The following SPATA9 variants were observed in gnomAD, a reference collection of about 807,000 sequenced individuals.
SPATA9 encodes spermatogenesis associated 9, also known as spermatogenesis-associated protein 9.
A neutral mutation model predicts 25.5 loss-of-function variants in SPATA9; 27 were observed. The ratio of observed to expected loss-of-function variants is 1.06; its 90% CI spans 0.78 to 1.46. The LOEUF (loss-of-function observed/expected upper bound fraction) is 1.46. Among genes scored for constraint, SPATA9 ranks in the 40% most tolerant of loss-of-function variants. The probability of loss-of-function intolerance (pLI) is 0.00; values close to 1 mark genes in which losing one functional copy is unlikely to be tolerated. For missense variants in SPATA9, 282 were observed against 297.5 expected (o/e 0.95, Z 0.38); for synonymous variants, 102 against 105.7 (o/e 0.97, Z 0.21).
chr5:95,726,341 T>C, the SPATA9 span, among the ~76,000 whole-genome samples: 1 of 152,246 alleles, frequency 6.6e-6, no homozygotes, highest in Non-Finnish European at 1.5e-5. Flanking sequence ...AGAGACTTTG[T>C]AGCATTTATT....
At chr5:95,721,488 G>A in the SPATA9 span, among the ~76,000 whole-genome samples, 1 of 152,136 alleles carries the variant, frequency 6.6e-6, no homozygotes, top group East Asian at 1.9e-4. Context: ...GACTGGGCAG[G>A]GGGTTTGGAT....
chr5:95,686,236 T>TTAAA (rs1753741971), upstream of SPATA9, among the ~76,000 whole-genome samples: 1 of 152,240 alleles, frequency 6.6e-6, no homozygotes, highest in Admixed American at 6.5e-5. Flanking sequence ...CCAACATTCA[T>TTAAA]TAAATGGTTG....
intron 1 of SPATA9, among the ~76,000 whole-genome samples, chr5:95,689,009 A>G (rs1027491403): frequency 6.6e-6 from 1 of 152,236 alleles, no homozygotes. Flanking sequence ...CCGAAGACAC[A>G]TAAGACACAC....
intron 3 of SPATA9, among the ~76,000 whole-genome samples, chr5:95,668,046 T>C (rs1299610471): frequency 2.0e-5 from 3 of 152,212 alleles, no homozygotes; most frequent in African/African-American, 7.2e-5. Context: ...ATGCTTCCTA[T>C]ACAGCCTACA....
At chr5:95,674,736 G>A (rs1373670622) in intron 3 of SPATA9, 4 of 456,480 alleles carry the variant, frequency 8.8e-6, no homozygotes, top group African/African-American at 8.0e-5. Context: ...GTTTATGGGA[G>A]CTAATACATC....
At chr5:95,698,042 C>A (rs1012785783) in intron 1 of SPATA9, among the ~76,000 whole-genome samples, 1 of 152,058 alleles carries the variant, frequency 6.6e-6, no homozygotes, top group Non-Finnish European at 1.5e-5. Flanking sequence ...ATGATGTGTA[C>A]CCTGGGGTCA....
upstream of SPATA9, among the ~76,000 whole-genome samples, chr5:95,683,962 T>C (rs1753650132): frequency 6.6e-6 from 1 of 152,194 alleles, no homozygotes; most frequent in African/African-American, 2.4e-5. Context: ...CCACGGCTGC[T>C]GAAAGTGTCT....
upstream of SPATA9, chr5:95,698,729 G>C (rs762080567): frequency 1.3e-5 from 2 of 152,146 alleles, no homozygotes; most frequent in African/African-American, 2.4e-5. Flanking sequence ...AAAACTCAAC[G>C]GGGAATGGGA....
At chr5:95,707,469 C>T in the SPATA9 span, among the ~76,000 whole-genome samples, 4,611 of 151,566 alleles carry the variant, frequency 0.03, 97 homozygotes, top group Admixed American at 0.062. Flanking sequence ...AACTTTTATA[C>T]CTTGGTTTAG....
At chr5:95,691,195 G>A (rs1007178735) in intron 1 of SPATA9, among the ~76,000 whole-genome samples, 3 of 142,544 alleles carry the variant, frequency 2.1e-5, no homozygotes, top group Admixed American at 7.1e-5. Flanking sequence ...CAGCCTGGGC[G>A]ACAGAGCAAG....
At chr5:95,705,831 A>C in the SPATA9 span, among the ~76,000 whole-genome samples, 2 of 152,228 alleles carry the variant, frequency 1.3e-5, no homozygotes, top group Admixed American at 6.5e-5. Flanking sequence ...GTCAAAATCT[A>C]TCTCAACAGA....
In SPATA9 at chr5:95,663,956, ATAAAT is replaced by A; in HGVS notation, c.466_470del (p.Ile156PhefsTer6). On this transcript the variant is annotated frameshift_variant, in exon 4 of 5. Coordinates refer to ENST00000274432, the MANE Select transcript of SPATA9 (RefSeq NM_031952.4). LOFTEE classifies it high-confidence loss of function. ...TCTAATAATTTTCTTAACTTACCAA[ATAAAT>A]TAGTGCTGCATATGAAGCATATATT... 1 of 1,526,164 alleles carries A rather than the reference ATAAAT, an allele frequency of 6.6e-7. No homozygotes were observed. The highest frequency in any genetic ancestry group is 1.4e-5 in the African/African-American group (1 of 72,128). The allele number at this position is 1,526,164 out of a possible 1,614,324, so 94.5% of individuals were successfully genotyped here.
chr5:95,681,103 A>G (rs190261742), intron 2 of SPATA9, among the ~76,000 whole-genome samples: 2 of 152,250 alleles, frequency 1.3e-5, no homozygotes, highest in Non-Finnish European at 2.9e-5. Context: ...GGATCTCATT[A>G]CCACTAAAAA....
chr5:95,719,765 T>G, the SPATA9 span: 5 of 152,208 alleles, frequency 3.3e-5, no homozygotes, highest in African/African-American at 1.2e-4. Context: ...CTTTCCTAAA[T>G]GGCTGAACCT....
downstream of SPATA9, chr5:95,652,739 A>T (rs1194413535): frequency 4.0e-6 from 1 of 250,548 alleles, no homozygotes; most frequent in Non-Finnish European, 7.6e-6. Context: ...CCTGGCACAT[A>T]GTTAACACAA....
chr5:95,679,168 A>C (rs1244155098), intron 2 of SPATA9, among the ~76,000 whole-genome samples: 1 of 152,140 alleles, frequency 6.6e-6, no homozygotes, highest in African/African-American at 2.4e-5. Flanking sequence ...ATAAAACCCC[A>C]GTTTCTCTGA....
At chr5:95,720,384 C>T in the SPATA9 span, among the ~76,000 whole-genome samples, 4 of 152,282 alleles carry the variant, frequency 2.6e-5, no homozygotes, top group Admixed American at 1.3e-4. Context: ...ATTAGCAAAA[C>T]GTTGTTGTAA....
chr5:95,654,991 C>G (rs1338648423), downstream of SPATA9, among the ~76,000 whole-genome samples: 1 of 152,114 alleles, frequency 6.6e-6, no homozygotes, highest in African/African-American at 2.4e-5. Flanking sequence ...GGGAAGTTGT[C>G]TTTGCTTCCT....
chr5:95,678,126 C>T (rs561520100), intron 2 of SPATA9, among the ~76,000 whole-genome samples: 2 of 152,300 alleles, frequency 1.3e-5, no homozygotes, highest in Admixed American at 1.3e-4. Context: ...CCTGTAATCC[C>T]AGCACTTTGG....
Sources: allele counts gnomAD v4.1 joint callset (sites outside exome capture counted in the v4.1 genomes callset), GRCh38; gene constraint gnomAD v4.1.1; transcripts MANE v1.5; gene names NCBI Gene and HGNC (gene_info 2026-07-23, HGNC 2026-07-21).